UCK1: variants seen among roughly 807,000 people sequenced by gnomAD.
UCK1 encodes cytidine monophosphokinase 1.
A neutral mutation model predicts 34.0 loss-of-function variants in UCK1; 20 were observed. The observed-to-expected ratio is 0.59, with a 90% CI of 0.41 to 0.86. UCK1 has a LOEUF of 0.86. Among genes scored for constraint, UCK1 ranks in the 40% least tolerant of loss-of-function variants. The pLI, the probability that UCK1 is intolerant of heterozygous loss-of-function variation, is 0.00. For missense variants in UCK1, 343 were observed against 383.6 expected (o/e 0.89, Z 0.88); for synonymous variants, 168 against 155.9 (o/e 1.08, Z -0.58).
rs1408221175 is a variant in UCK1, at chr9:131,524,053, CAT to C, written c.*985_*986del. 5 of 152,306 alleles carry C rather than the reference CAT, an allele frequency of 3.3e-5. No individual in the cohort carries two copies. Among genetic ancestry groups the C allele is most frequent in the African/African-American group, 1.2e-4 (5 of 41,468 alleles). 9.4% of individuals were successfully genotyped at this position (152,306 alleles called of 1,614,324 possible). A position where few individuals can be genotyped will look rare whatever the true frequency, so the allele number is the denominator to read the frequency against. ...CAGGCAACCCAGACACGGGTGTTCA[CAT>C]GTGAGGCTGTGAGCTCCACATAGCA... On this transcript the variant is annotated 3_prime_UTR_variant, in exon 7 of 7. Coordinates refer to ENST00000372215, the MANE Select transcript of UCK1 (RefSeq NM_031432.5).
rs754753454 is a variant in UCK1 at position 131,525,941 on chromosome 9, C to T, written c.640G>A (p.Val214Met). The T allele has an allele frequency of 1.9e-6, 3 of 1,613,974 alleles. No homozygotes were observed. Among genetic ancestry groups the T allele is most frequent in the African/African-American group, 2.7e-5 (2 of 74,918 alleles). ...GCCAGCTTCTTACCCATATTGTCCA[C>T]TCCTCGCGGGATGATCACATCGGCA... is the stretch of plus-strand genomic sequence containing the variant. ...KYADVIIPRG[V>M]DNMVAINLIV... Residue 214 changes from valine to methionine, a missense_variant, in exon 6 of 7, where the codon GTG becomes ATG. Val to Met is a conservative substitution (Grantham distance 21, BLOSUM62 1). Transcript: ENST00000372215.
At chr9:131,526,070 G>A (rs1049939067) in intron 5 of UCK1, 93 bp from the exon 6 acceptor site, 34 of 1,468,208 alleles carry the variant, frequency 2.3e-5, no homozygotes, top group African/African-American at 5.5e-5. Flanking sequence ...CAGGAGGGGC[G>A]GCCCTGGGGT....
At chr9:131,526,649 G>T (rs529894387) in intron 5 of UCK1, 1 of 611,336 alleles carries the variant, frequency 1.6e-6, no homozygotes, top group East Asian at 6.7e-5. Context: ...AAAGCTGAGG[G>T]AAGAGGGAGG....
Position 131,525,111 on chromosome 9 carries a change from G to A in UCK1, c.763C>T (p.Pro255Ser), listed in dbSNP as rs1416948370. ...GRSYKRTFSE[P>S]GDHPGMLTSG... ...GTCAGCATCCCAGGGTGGTCCCCTG[G>A]CTCAGAAAAGGTCCGCTTGTAGCTC... Residue 255 changes from proline to serine, a missense_variant, in exon 7 of 7, where the codon CCA (proline) becomes TCA (serine). By Grantham distance (74) the Pro-to-Ser change is moderately conservative. Transcript: ENST00000372215. 6.2e-7 allele frequency: 1 copy of A among 1,613,854 alleles called. No homozygotes were observed. Among genetic ancestry groups the A allele is most frequent in the Non-Finnish European group, 8.5e-7 (1 of 1,180,024 alleles).
intron 6 of UCK1, 34 bp downstream of exon 6, chr9:131,525,895 G>A: frequency 6.2e-7 from 1 of 1,610,764 alleles, no homozygotes; most frequent in Non-Finnish European, 8.5e-7. Flanking sequence ...CTCTGGGAGG[G>A]GCGGGGGGAC....
Position 131,528,723 on chromosome 9 carries a change from G to T in UCK1, c.603+221C>A, listed in dbSNP as rs965166875. 4 of 601,318 alleles carry T rather than the reference G, an allele frequency of 6.7e-6. 1 individual carries two copies. The highest frequency in any genetic ancestry group is 4.0e-5 in the South Asian group (2 of 50,008). The allele number at this position is 601,318 out of a possible 1,614,324, so 37.2% of individuals were successfully genotyped here. On this transcript the variant is annotated intron_variant, in intron 5 of 6. Transcript: ENST00000372215. ...GGGAGGAAGCGGCCAGTGTGAATGT[G>T]GGGGAGATATGGGGCTTTTTTAGGC...
chr9:131,526,464 T>C, intron 5 of UCK1: 1 of 1,290,010 alleles, frequency 7.8e-7, no homozygotes, highest in Non-Finnish European at 1.0e-6. Context: ...CAACCACTCA[T>C]TGGCTCAATG....
At chr9:131,529,654 G>T in intron 2 of UCK1, 70 bp from the exon 3 acceptor site, 1 of 1,450,824 alleles carries the variant, frequency 6.9e-7, no homozygotes, top group Non-Finnish European at 9.6e-7. Flanking sequence ...AACCCTCTCT[G>T]CTCTGGGGTC....
Position 131,531,116 on chromosome 9 carries a change from T to C in UCK1, c.59A>G (p.His20Arg), listed in dbSNP as rs977344634. ...CACCCCTATCAGGAAGGGCCGCTGG[T>C]GCGGACGGTCGGCCTCCGGCGCGGG... ...ESPAPEADRPHQRPFLIGVSG... is the reference protein window; with the variant it reads ...ESPAPEADRPRQRPFLIGVSG... The change falls in exon 1 of 7, where the codon CAC (histidine) becomes CGC (arginine). Residue 20 changes from histidine to arginine, a missense_variant. By Grantham distance (29) the His-to-Arg change is conservative (BLOSUM62 0). Coordinates refer to ENST00000372215, the MANE Select transcript of UCK1 (RefSeq NM_031432.5). The C allele has an allele frequency of 7.6e-6, 11 of 1,451,334 alleles. No individual in the cohort carries two copies. The highest frequency in any genetic ancestry group is 9.0e-6 in the Non-Finnish European group (10 of 1,105,472). 89.9% of individuals were successfully genotyped at this position (1,451,334 alleles called of 1,614,324 possible).
chr9:131,525,289 CAGCACTCGGCCAGG>C, intron 6 of UCK1, 68 bp from the exon 7 acceptor site: 1 of 1,600,646 alleles, frequency 6.2e-7, no homozygotes, highest in East Asian at 2.2e-5. Flanking sequence ...CCCCTCCCCG[CAGCACTCGGCCAGG>C]AGTGAGCGCC....
intron 5 of UCK1, among the ~76,000 whole-genome samples, chr9:131,527,909 C>G (rs1950669454): frequency 6.6e-6 from 1 of 152,110 alleles, no homozygotes; most frequent in Non-Finnish European, 1.5e-5. Context: ...AGGCCAGGCA[C>G]AGTGGCTCAA....
At chr9:131,525,897 C>T (rs1554788157) in intron 6 of UCK1, 32 bp downstream of exon 6, 63 of 1,610,324 alleles carry the variant, frequency 3.9e-5, no homozygotes, top group Non-Finnish European at 4.7e-5. Flanking sequence ...CTGGGAGGGG[C>T]GGGGGGACAG....
intron 5 of UCK1, among the ~76,000 whole-genome samples, chr9:131,527,359 A>G (rs933795810): frequency 6.6e-6 from 1 of 151,966 alleles, no homozygotes; most frequent in African/African-American, 2.4e-5. Context: ...ACCAACCAAA[A>G]ACATCTCTGG....
In UCK1 at chr9:131,531,146, T is replaced by TCG. The variant is rs1390805056; in HGVS notation, c.27_28dup (p.Glu10AlafsTer17). The TCG allele has an allele frequency of 3.5e-6, 5 of 1,442,198 alleles. No homozygotes were observed. Among genetic ancestry groups the TCG allele is most frequent in the Non-Finnish European group, 3.6e-6 (4 of 1,100,544 alleles). The allele number at this position is 1,442,198 out of a possible 1,614,324, so 89.3% of individuals were successfully genotyped here. A position where few individuals can be genotyped will look rare whatever the true frequency, so the allele number is the denominator to read the frequency against. ...ACGGTCGGCCTCCGGCGCGGGGCTC[T>TCG]CGCAGTCTTCGCCTCCCGCCGAAGC... On this transcript the variant is annotated frameshift_variant, in exon 1 of 7. Transcript: ENST00000372215. LOFTEE classifies it high-confidence loss of function.
intron 5 of UCK1, among the ~76,000 whole-genome samples, chr9:131,527,183 C>A (rs1241025606): frequency 3.3e-5 from 5 of 150,470 alleles, no homozygotes; most frequent in African/African-American, 9.8e-5. Context: ...AAAAATTAGC[C>A]AGGCGTGGTG....
Position 131,526,589 on chromosome 9 carries a change from G to A in UCK1, c.604-612C>T, listed in dbSNP as rs146748232. The A allele has an allele frequency of 3.7e-3, 4,293 of 1,169,004 alleles. 14 individuals carry two copies. Among genetic ancestry groups the A allele is most frequent in the Non-Finnish European group, 4.4e-3 (3,898 of 880,520 alleles). The allele number at this position is 1,169,004 out of a possible 1,614,324, so 72.4% of individuals were successfully genotyped here. ...CGCAGCCAGATGGTGGGGGTTGGGG[G>A]GTGGCTTTAGGGAAGGGGAAGCAGC... On this transcript the variant is annotated intron_variant, in intron 5 of 6. Transcript: ENST00000372215.
chr9:131,529,833 T>C lies in UCK1; in HGVS notation c.269-249A>G, dbSNP rs931950541. Among the ~76,000 whole-genome samples, 4 of 152,332 alleles carry C rather than the reference T, an allele frequency of 2.6e-5. No individual in the cohort carries two copies. In the South Asian group the frequency reaches 8.3e-4, roughly 32 times the overall value. The stretch of plus-strand genomic sequence containing the variant: ...CTGCCCAAGCTCTGTGCCCCTGAGA[T>C]GCCGGAACACAGGGGTTTTCTGATC... On this transcript the variant is annotated intron_variant, in intron 2 of 6. Transcript: ENST00000372215.
Position 131,529,263 on chromosome 9 carries a change from C to T in UCK1, c.373G>A (p.Glu125Lys), listed in dbSNP as rs781415051. The change falls in exon 4 of 7, where the codon GAG becomes AAG. Residue 125 changes from glutamate (E) to lysine (K), a missense_variant. Physicochemically the swap from Glu to Lys is moderately conservative, Grantham distance 56. Coordinates refer to ENST00000372215, the MANE Select transcript of UCK1 (RefSeq NM_031432.5). ...TCCGCAGGGTAGACCACCGTGGTCT[C>T]TGGTAACCTGAGGGGCGCACGGGGA... ...YDFVTHSRLP[E>K]TTVVYPADVV... 4 of 1,614,064 alleles carry T rather than the reference C, an allele frequency of 2.5e-6. No homozygotes were observed.
At chr9:131,525,826 C>A in intron 6 of UCK1, 103 bp downstream of exon 6, 1 of 1,233,772 alleles carries the variant, frequency 8.1e-7, no homozygotes, top group South Asian at 1.4e-5. Context: ...CACTGGCAGG[C>A]CGCGTGCGCA....
Sources: gnomAD v4.1 joint callset for allele counts (sites outside exome capture counted in the v4.1 genomes callset) on GRCh38, gnomAD v4.1.1 for gene constraint, MANE v1.5 for transcripts, NCBI Gene and HGNC (gene_info 2026-07-23, HGNC 2026-07-21) for gene names.